The following SCN8A variants were observed in gnomAD, a reference collection of about 807,000 sequenced individuals.
SCN8A encodes the protein sodium voltage-gated channel alpha subunit 8.
A neutral mutation model predicts 184.1 loss-of-function variants in SCN8A; 30 were observed. The observed-to-expected ratio is 0.16, with a 90% CI of 0.12 to 0.22. The LOEUF (loss-of-function observed/expected upper bound fraction) is 0.22, where lower values mean the gene tolerates loss of function less well. SCN8A is among the 10% of genes least tolerant of loss of function. The pLI is 1.00. For synonymous variants in SCN8A, 852 were observed against 907.0 expected (o/e 0.94, Z 1.09); for missense variants, 1,057 against 2,498.9 (o/e 0.42, Z 12.30).
rs537073736 is a variant in SCN8A, at chr12:51,794,879, A to G, written c.4795+238A>G. Among the ~76,000 whole-genome samples, 8 of 152,218 alleles carry G rather than the reference A, an allele frequency of 5.3e-5. No homozygotes were observed. The East Asian group carries it at 1.5e-3, about 29-fold the overall frequency. ...GATTATAAATTCTGTGGCTCAGGGA[A>G]AAAAGAAAAAAAAAGAAGATTGGTT... On this transcript the variant is annotated intron_variant, in intron 26 of 26. Coordinates refer to ENST00000627620, the MANE Select transcript of SCN8A (RefSeq NM_001330260.2).
In SCN8A at chr12:51,812,847, A is replaced by G. The variant is rs1938955960; in HGVS notation, c.*5418A>G. On this transcript the variant is annotated 3_prime_UTR_variant, in exon 27 of 27. Transcript: ENST00000627620. Reference sequence around the variant, plus strand: ...GAATTTGCAATAAAGGGTTACGTCAATCTTGTTTTCAACTCTCCTCTTGGA... The same window carrying G: ...GAATTTGCAATAAAGGGTTACGTCAGTCTTGTTTTCAACTCTCCTCTTGGA... The G allele has an allele frequency of 6.6e-6, 1 of 152,226 alleles. No individual in the cohort carries two copies. The highest frequency in any genetic ancestry group is 2.4e-5 in the African/African-American group (1 of 41,442). The allele number at this position is 152,226 out of a possible 1,614,324, so 9.4% of individuals were successfully genotyped here.
chr12:51,801,871 A>G (rs1383900247), intron 26 of SCN8A, among the ~76,000 whole-genome samples: 4 of 152,112 alleles, frequency 2.6e-5, no homozygotes, highest in African/African-American at 7.2e-5. Flanking sequence ...CCTGGCCAAT[A>G]TGGTGAAACC....
chr12:51,716,186 T>C (rs558211352), intron 11 of SCN8A, among the ~76,000 whole-genome samples: 1 of 152,178 alleles, frequency 6.6e-6, no homozygotes, highest in South Asian at 2.1e-4. Flanking sequence ...ATATAAAAAT[T>C]AGCCAGGCGT....
intron 11 of SCN8A, among the ~76,000 whole-genome samples, chr12:51,711,906 C>T (rs1165227472): frequency 1.3e-5 from 2 of 152,030 alleles, no homozygotes; most frequent in Non-Finnish European, 2.9e-5. Context: ...AATAGATTCC[C>T]CTTAAACTGC....
intron 5 of SCN8A, chr12:51,688,700 A>T (rs953888808): frequency 7.9e-6 from 10 of 1,267,216 alleles, no homozygotes; most frequent in African/African-American, 2.9e-5. Flanking sequence ...TCTTCCCCCC[A>T]TTCTCAAACC....
At chr12:51,693,703 C>T (rs1326510937) in intron 6 of SCN8A, among the ~76,000 whole-genome samples, 1 of 152,128 alleles carries the variant, frequency 6.6e-6, no homozygotes, top group Non-Finnish European at 1.5e-5. Context: ...CAGGAAAAGT[C>T]AACACAGCAC....
In SCN8A at chr12:51,684,176, C is replaced by T. The variant is rs2138707894; in HGVS notation, c.279C>T (p.Thr93=). Residue 93 remains threonine, a splice_region_variant and synonymous_variant, in exon 3 of 27, where the codon ACC becomes ACT. Coordinates refer to ENST00000627620, the MANE Select transcript of SCN8A (RefSeq NM_001330260.2). ...TCTCTCTCTTTCTTTCTCCACAGACCTTTGTAGTATTAAACAGAGGGAAAA... is the reference window on the plus strand; with the variant it reads ...TCTCTCTCTTTCTTTCTCCACAGACTTTTGTAGTATTAAACAGAGGGAAAA... ...DFDPYYLTQK[T]FVVLNRGKTL... 6.8e-7 allele frequency: 1 copy of T among 1,469,198 alleles called. No homozygotes were observed. Among genetic ancestry groups the T allele is most frequent in the Non-Finnish European group, 9.5e-7 (1 of 1,047,982 alleles). The allele number at this position is 1,469,198 out of a possible 1,614,324, so 91.0% of individuals were successfully genotyped here.
At chr12:51,707,455 G>A (rs1941803190) in intron 11 of SCN8A, among the ~76,000 whole-genome samples, 1 of 152,186 alleles carries the variant, frequency 6.6e-6, no homozygotes, top group Non-Finnish European at 1.5e-5. Flanking sequence ...TCGAGGGCAG[G>A]AAGCATCCAG....
chr12:51,707,981 C>G (rs1941812562), intron 11 of SCN8A, among the ~76,000 whole-genome samples: 1 of 152,158 alleles, frequency 6.6e-6, no homozygotes, highest in African/African-American at 2.4e-5. Flanking sequence ...TTGGAACATT[C>G]TCCATTCTAA....
At chr12:51,634,654 T>TA (rs1177551229) in intron 1 of SCN8A, among the ~76,000 whole-genome samples, 1 of 34,184 alleles carries the variant, frequency 2.9e-5, no homozygotes, top group East Asian at 5.8e-3. Flanking sequence ...ATTATTATTA[T>TA]TATTTTTTTT....
chr12:51,616,518 A>G (rs558756708), intron 1 of SCN8A, among the ~76,000 whole-genome samples: 6 of 151,722 alleles, frequency 4.0e-5, no homozygotes, highest in Admixed American at 2.6e-4. Context: ...AGGTTGAGGC[A>G]GGAGAATCAT....
At chr12:51,725,300 T>C (rs1271086191) in intron 12 of SCN8A, among the ~76,000 whole-genome samples, 1 of 152,198 alleles carries the variant, frequency 6.6e-6, no homozygotes, top group Non-Finnish European at 1.5e-5. Flanking sequence ...GCATATAGTT[T>C]GTGTGGTATG....
chr12:51,638,708 A>G (rs774381407), intron 1 of SCN8A, among the ~76,000 whole-genome samples: 1 of 151,968 alleles, frequency 6.6e-6, no homozygotes, highest in South Asian at 2.1e-4. Context: ...GATGGTCTCG[A>G]TCTCTTGACT....
intron 13 of SCN8A, among the ~76,000 whole-genome samples, chr12:51,748,485 G>C (rs1488335612): frequency 6.6e-6 from 1 of 152,152 alleles, no homozygotes; most frequent in African/African-American, 2.4e-5. Flanking sequence ...AGAGGACTGG[G>C]CGTGGGGTGT....
rs34564079 is a variant in SCN8A at position 51,679,721 on chromosome 12, C to CT, written c.277-4431dup. Among the ~76,000 whole-genome samples, 670 of 85,462 alleles carry CT rather than the reference C, an allele frequency of 7.8e-3. 31 individuals carry two copies. The highest frequency in any genetic ancestry group is 0.053 in the South Asian group (137 of 2,582). The allele number at this position is 85,462 out of a possible 152,430, so 56.1% of individuals were successfully genotyped here. A position where few individuals can be genotyped will look rare whatever the true frequency, so the allele number is the denominator to read the frequency against. On this transcript the variant is annotated intron_variant, in intron 2 of 26. Transcript: ENST00000627620. The stretch of plus-strand genomic sequence containing the variant: ...TGTGTTTGTCCAAAGACTATCTTGC[C>CT]TTTTTTTTTTTTTTTTTTTTTTGAG...
intron 1 of SCN8A, among the ~76,000 whole-genome samples, chr12:51,639,660 G>A (rs1023825909): frequency 5.3e-5 from 8 of 152,004 alleles, no homozygotes; most frequent in African/African-American, 1.9e-4. Context: ...ATGAAAGGAA[G>A]AATTGATCAA....
intron 2 of SCN8A, among the ~76,000 whole-genome samples, chr12:51,668,991 A>G (rs1404793587): frequency 2.6e-5 from 4 of 152,204 alleles, no homozygotes; most frequent in African/African-American, 4.8e-5. Flanking sequence ...GCTATATGGT[A>G]TAGCCTATTG....
chr12:51,619,554 T>G (rs1008837177), intron 1 of SCN8A, among the ~76,000 whole-genome samples: 2 of 152,198 alleles, frequency 1.3e-5, no homozygotes, highest in Non-Finnish European at 2.9e-5. Context: ...TAAGGAATAT[T>G]AGAATAGGTA....
intron 1 of SCN8A, among the ~76,000 whole-genome samples, chr12:51,633,500 T>C (rs1316446563): frequency 6.6e-6 from 1 of 152,238 alleles, no homozygotes; most frequent in Non-Finnish European, 1.5e-5. Context: ...TTATGCTTTG[T>C]GAAATTCCTC....
Sources: allele counts gnomAD v4.1 joint callset (sites outside exome capture counted in the v4.1 genomes callset), GRCh38; gene constraint gnomAD v4.1.1; transcripts MANE v1.5; gene names NCBI Gene and HGNC (gene_info 2026-07-23, HGNC 2026-07-21).